Variants in SRGAP2B observed in about 807,000 individuals in gnomAD.
The protein encoded by SRGAP2B is SLIT-ROBO Rho GTPase activating protein 2B.
Under a neutral mutation model 22.2 loss-of-function variants are expected in SRGAP2B, and 9 were observed. The observed-to-expected ratio is 0.41, with a 90% CI of 0.24 to 0.71. The LOEUF is 0.71. Among genes scored for constraint, SRGAP2B ranks in the 30% least tolerant of loss-of-function variants. The pLI is 0.35. For missense variants in SRGAP2B, 114 were observed against 235.8 expected, an observed-to-expected ratio of 0.48 and a Z score of 3.38; for synonymous variants, 36 against 87.4, an observed-to-expected ratio of 0.41 and a Z score of 3.28.
chr1:144,974,822 C>T (rs1162494873), intron 3 of SRGAP2B, among the ~76,000 whole-genome samples: 2 of 148,444 alleles, frequency 1.3e-5, no homozygotes, highest in Admixed American at 1.3e-4. Flanking sequence ...ACATGAGCTG[C>T]TGGTAAACAG....
chr1:144,988,679 C>T (rs1333952342), intron 3 of SRGAP2B, among the ~76,000 whole-genome samples: 1 of 148,370 alleles, frequency 6.7e-6, no homozygotes, highest in Non-Finnish European at 1.5e-5. Context: ...CCCACAATCA[C>T]TTTTACTCCG....
At chr1:145,009,045 C>T (rs1258007149) in intron 2 of SRGAP2B, among the ~76,000 whole-genome samples, 12 of 146,774 alleles carry the variant, frequency 8.2e-5, no homozygotes, top group South Asian at 2.1e-4. Flanking sequence ...GGCGTGGTGG[C>T]GGGCGCCTGT....
At chr1:145,025,983 A>G (rs1398298295) in intron 2 of SRGAP2B, among the ~76,000 whole-genome samples, 182 of 135,720 alleles carry the variant, frequency 1.3e-3, no homozygotes, top group Non-Finnish European at 2.1e-3. Context: ...GAAAGAATGA[A>G]TGAAAATCCA....
chr1:144,932,456 C>T (rs1553344252), intron 4 of SRGAP2B, among the ~76,000 whole-genome samples: 1 of 151,066 alleles, frequency 6.6e-6, no homozygotes, highest in Admixed American at 6.6e-5. Context: ...TAGGGCTTTG[C>T]AGCCAAATAT....
intron 3 of SRGAP2B, among the ~76,000 whole-genome samples, chr1:144,966,704 TAAAG>T (rs1245828125): frequency 6.8e-6 from 1 of 146,972 alleles, no homozygotes; most frequent in African/African-American, 2.7e-5. Context: ...GGCAAATGGA[TAAAG>T]AGTCAAGACC....
At chr1:145,002,868 T>C (rs1553620236) in intron 2 of SRGAP2B, among the ~76,000 whole-genome samples, 2 of 141,786 alleles carry the variant, frequency 1.4e-5, no homozygotes, top group East Asian at 4.3e-4. Flanking sequence ...TGTTGAAAGC[T>C]CAGGAAGATC....
intron 3 of SRGAP2B, among the ~76,000 whole-genome samples, chr1:144,979,771 TC>T (rs1669180035): frequency 6.6e-6 from 1 of 151,482 alleles, no homozygotes; most frequent in African/African-American, 2.5e-5. Context: ...ACATGCTGGC[TC>T]CCCGGTGCCT....
At chr1:145,090,192 T>TG (rs1558879444) in intron 2 of SRGAP2B, among the ~76,000 whole-genome samples, 1 of 148,684 alleles carries the variant, frequency 6.7e-6, no homozygotes, top group African/African-American at 2.6e-5. Flanking sequence ...TTCTAGCTAG[T>TG]GGGGGGCAGA....
chr1:144,927,390 C>G, intron 4 of SRGAP2B, among the ~76,000 whole-genome samples: 1 of 150,832 alleles, frequency 6.6e-6, no homozygotes, highest in Middle Eastern at 3.4e-3. Context: ...GATATATTTT[C>G]TCATATTTTT....
At chr1:145,079,980 G>A (rs1363511599) in intron 2 of SRGAP2B, among the ~76,000 whole-genome samples, 6 of 149,486 alleles carry the variant, frequency 4.0e-5, no homozygotes, top group Non-Finnish European at 8.9e-5. Flanking sequence ...CAGAGATTAC[G>A]AGCCTCCCAC....
At position 144,969,516 on chromosome 1, in the gene SRGAP2B, C is replaced by T. The variant is rs368415195; in HGVS notation, c.261-13915G>A. ...ATTCAAGATGGATTAAAGATTTAAA[C>T]GTTAGACCTAAAACCATAAAAACCC... On this transcript the variant is annotated intron_variant, in intron 3 of 9. Coordinates refer to ENST00000612199, the Ensembl canonical transcript of SRGAP2B. 6.0e-4 allele frequency among the ~76,000 whole-genome samples: 76 copies of T among 127,348 alleles called. 1 individual carries two copies. The East Asian group carries it at 8.5e-3, about 14-fold the overall frequency. 83.5% of individuals were successfully genotyped at this position (127,348 alleles called of 152,430 possible). A position where few individuals can be genotyped will look rare whatever the true frequency, so the allele number is the denominator to read the frequency against.
At chr1:144,969,737 C>A (rs200201108) in intron 3 of SRGAP2B, among the ~76,000 whole-genome samples, 1 of 150,486 alleles carries the variant, frequency 6.6e-6, no homozygotes, top group African/African-American at 2.5e-5. Context: ...ATTTTTGCAA[C>A]CTACTCATCT....
intron 2 of SRGAP2B, among the ~76,000 whole-genome samples, chr1:145,057,362 AT>A (rs1553630549): frequency 2.1e-5 from 3 of 139,720 alleles, no homozygotes. Flanking sequence ...TGTGGACCTG[AT>A]AACCCTGGGG....
chr1:145,026,734 A>C (rs1180316709), intron 2 of SRGAP2B, among the ~76,000 whole-genome samples: 1 of 149,600 alleles, frequency 6.7e-6, no homozygotes. Flanking sequence ...CTGGAAGACT[A>C]GGGTCTTATA....
At chr1:144,899,293 A>AT (rs1263616477) in intron 7 of SRGAP2B, among the ~76,000 whole-genome samples, 1 of 103,554 alleles carries the variant, frequency 9.7e-6, no homozygotes, top group African/African-American at 3.6e-5. Context: ...AATACCTCTC[A>AT]TTTTTTTTCC....
At chr1:145,044,649 C>CAAAAAAAAAAAAAAAA (rs1649540395) in intron 2 of SRGAP2B, among the ~76,000 whole-genome samples, 1 of 53,666 alleles carries the variant, frequency 1.9e-5, no homozygotes, top group Non-Finnish European at 3.3e-5. Flanking sequence ...GAACCCCCTC[C>CAAAAAAAAAAAAAAAA]TAAAAAAAAA....
chr1:144,965,219 A>C, intron 3 of SRGAP2B: 1 of 815,814 alleles, frequency 1.2e-6, no homozygotes, highest in South Asian at 1.4e-5. Context: ...GCGACACAGA[A>C]GACGGGTGAT....
Position 145,094,177 on chromosome 1 carries a change from C to T in SRGAP2B, c.-542-734G>A, listed in dbSNP as rs1203582909. Among the ~76,000 whole-genome samples the T allele has an allele frequency of 2.6e-3, 153 of 58,784 alleles. 3 individuals are homozygous for T. The highest frequency in any genetic ancestry group is 0.012 in the African/African-American group (147 of 12,244). The allele number at this position is 58,784 out of a possible 152,430, so 38.6% of individuals were successfully genotyped here. On this transcript the variant is annotated intron_variant, in intron 1 of 9. Transcript: ENST00000612199. ...TTTTTGACACCCAAGCTCAGAGATC[C>T]CAGATATCCCACCCAATCCCAGGCT...
At chr1:144,990,668 C>T (rs7414692) in intron 3 of SRGAP2B, among the ~76,000 whole-genome samples, 4 of 149,494 alleles carry the variant, frequency 2.7e-5, no homozygotes, top group Non-Finnish European at 5.9e-5. Flanking sequence ...CGAGCGGGAA[C>T]CGGGGCTGCG....
Sources: gnomAD v4.1 joint callset for allele counts (sites outside exome capture counted in the v4.1 genomes callset) on GRCh38, gnomAD v4.1.1 for gene constraint, MANE v1.5 for transcripts, NCBI Gene and HGNC (gene_info 2026-07-23, HGNC 2026-07-21) for gene names.